RYR2: variants seen among roughly 807,000 people sequenced by gnomAD.
The protein encoded by RYR2 is cardiac muscle ryanodine receptor-calcium release channel.
Under a neutral mutation model 601.1 loss-of-function variants are expected in RYR2, and 227 were observed. The ratio of observed to expected loss-of-function variants is 0.38; its 90% confidence interval spans 0.34 to 0.42. The LOEUF (loss-of-function observed/expected upper bound fraction) is 0.42, where lower values mean the gene tolerates loss of function less well. RYR2 is among the 10% of genes least tolerant of loss of function. RYR2 has a pLI of 1.00. For missense variants in RYR2, 4,646 were observed against 6,156.5 expected, an observed-to-expected ratio of 0.75 and a Z score of 8.21; for synonymous variants, 2,223 against 2,175.1, an observed-to-expected ratio of 1.02 and a Z score of -0.61.
chr1:237,601,814 A>C (rs1676533933), intron 34 of RYR2, among the ~76,000 whole-genome samples: 1 of 152,214 alleles, frequency 6.6e-6, no homozygotes, highest in African/African-American at 2.4e-5. Context: ...CAATGCCTTA[A>C]GCCCTTCAGA....
chr1:237,203,436 A>G (rs1681421091), intron 1 of RYR2, among the ~76,000 whole-genome samples: 1 of 152,222 alleles, frequency 6.6e-6, no homozygotes, highest in African/African-American at 2.4e-5. Context: ...AAGAGTATAT[A>G]TTGGATCATT....
intron 60 of RYR2, among the ~76,000 whole-genome samples, chr1:237,677,268 T>C (rs1685483318): frequency 6.6e-6 from 1 of 152,170 alleles, no homozygotes; most frequent in Non-Finnish European, 1.5e-5. Flanking sequence ...TCCAATATGT[T>C]CTGCATGCCA....
intron 25 of RYR2, among the ~76,000 whole-genome samples, chr1:237,538,119 G>A (rs117225144): frequency 0.013 from 2,041 of 152,206 alleles, 21 homozygotes; most frequent in East Asian, 0.041. Context: ...GCCAGGAGCA[G>A]TGGCTTACGC....
At chr1:237,593,710 T>C (rs745632763) in intron 33 of RYR2, 74 bp downstream of exon 33, 1 of 1,463,368 alleles carries the variant, frequency 6.8e-7, no homozygotes, top group Non-Finnish European at 9.5e-7. Flanking sequence ...TCCTTTTCCT[T>C]GTATTTTGTG....
intron 1 of RYR2, among the ~76,000 whole-genome samples, chr1:237,107,370 A>T (rs563682181): frequency 2.6e-3 from 396 of 151,218 alleles, no homozygotes; most frequent in African/African-American, 9.0e-3. Flanking sequence ...AAATACAAAA[A>T]ATTAGCTGGA....
At chr1:237,510,913 G>T (rs573960346) in intron 23 of RYR2, among the ~76,000 whole-genome samples, 160 of 152,312 alleles carry the variant, frequency 1.1e-3, no homozygotes, top group Non-Finnish European at 1.9e-3. Context: ...TGCATATGAT[G>T]CTAATGGATT....
intron 16 of RYR2, among the ~76,000 whole-genome samples, chr1:237,461,186 A>G (rs1659443160): frequency 1.3e-5 from 2 of 152,176 alleles, no homozygotes; most frequent in Non-Finnish European, 2.9e-5. Flanking sequence ...CAAATTTTAT[A>G]TTCTATTATT....
At chr1:237,082,831 G>A (rs375215607) in intron 1 of RYR2, among the ~76,000 whole-genome samples, 2 of 152,176 alleles carry the variant, frequency 1.3e-5, no homozygotes. Flanking sequence ...AGTGTCAGGT[G>A]ATGTTAATTC....
chr1:237,159,137 CA>C (rs957752893), intron 1 of RYR2, among the ~76,000 whole-genome samples: 4 of 152,070 alleles, frequency 2.6e-5, no homozygotes, highest in African/African-American at 9.6e-5. Flanking sequence ...ACTAAAAATA[CA>C]AAATTAGCTG....
intron 16 of RYR2, among the ~76,000 whole-genome samples, chr1:237,461,665 A>G (rs193203213): frequency 1.6e-4 from 25 of 152,064 alleles, no homozygotes; most frequent in African/African-American, 6.0e-4. Context: ...TAGTTAACAT[A>G]TATCTCTAAT....
At chr1:237,415,175 T>G (rs1704846459) in intron 10 of RYR2, among the ~76,000 whole-genome samples, 1 of 152,190 alleles carries the variant, frequency 6.6e-6, no homozygotes, top group Non-Finnish European at 1.5e-5. Context: ...TTCCAAGGCT[T>G]GGCTTCCCAT....
chr1:237,744,470 A>G (rs1406731264), intron 80 of RYR2, among the ~76,000 whole-genome samples: 2 of 152,016 alleles, frequency 1.3e-5, no homozygotes, highest in Non-Finnish European at 2.9e-5. Flanking sequence ...AGCCTGGCCA[A>G]TGTGGTGAAA....
chr1:237,119,863 AG>A (rs1670584428), intron 1 of RYR2, among the ~76,000 whole-genome samples: 1 of 152,152 alleles, frequency 6.6e-6, no homozygotes, highest in Admixed American at 6.5e-5. Flanking sequence ...ACTTTTCTTC[AG>A]CTTTGGTCTT....
intron 60 of RYR2, among the ~76,000 whole-genome samples, chr1:237,676,739 G>C (rs12562500): frequency 0.46 from 69,921 of 152,000 alleles, 18,496 homozygotes; most frequent in East Asian, 0.67. Flanking sequence ...GTTAATTGTG[G>C]TAGTAAAAAT....
chr1:237,202,186 T>A (rs1377616488), intron 1 of RYR2, among the ~76,000 whole-genome samples: 1 of 152,218 alleles, frequency 6.6e-6, no homozygotes, highest in Non-Finnish European at 1.5e-5. Flanking sequence ...CATTAACATT[T>A]CCCTCAAGGT....
chr1:237,489,871 A>C (rs1663128277), intron 17 of RYR2, among the ~76,000 whole-genome samples: 1 of 152,242 alleles, frequency 6.6e-6, no homozygotes. Context: ...AAGAGCAAAG[A>C]CATGTCATCA....
intron 1 of RYR2, among the ~76,000 whole-genome samples, chr1:237,043,008 G>A (rs1660108859): frequency 6.6e-6 from 1 of 152,132 alleles, no homozygotes; most frequent in African/African-American, 2.4e-5. Flanking sequence ...GCTGTTTCTG[G>A]GAATACCGCC....
At chr1:237,416,465 A>T (rs1047056513) in intron 10 of RYR2, among the ~76,000 whole-genome samples, 5 of 152,182 alleles carry the variant, frequency 3.3e-5, no homozygotes, top group Admixed American at 3.3e-4. Context: ...ATTTGGGTGC[A>T]TGTGATATGC....
At chr1:237,243,144 C>T (rs1167653478) in intron 1 of RYR2, among the ~76,000 whole-genome samples, 2 of 148,996 alleles carry the variant, frequency 1.3e-5, no homozygotes, top group Admixed American at 1.3e-4. Flanking sequence ...TGACCGGGGT[C>T]AGGGGAGGGG....
Sources: gnomAD v4.1 joint callset for allele counts (sites outside exome capture counted in the v4.1 genomes callset) on GRCh38, gnomAD v4.1.1 for gene constraint, MANE v1.5 for transcripts, NCBI Gene and HGNC (gene_info 2026-07-23, HGNC 2026-07-21) for gene names.